The following MON2 variants were observed in gnomAD, a reference collection of about 807,000 sequenced individuals.
The protein encoded by MON2 is protein MON2 homolog.
MON2 carries 84 observed loss-of-function variants against 208.6 expected under a neutral mutation model. The ratio of observed to expected loss-of-function variants is 0.40; its 90% CI spans 0.34 to 0.48. The LOEUF is 0.48. Among genes scored for constraint, MON2 ranks in the 20% least tolerant of loss-of-function variants. The pLI, the probability that MON2 is intolerant of heterozygous loss-of-function variation, is 0.59. For synonymous variants in MON2, 660 were observed against 694.0 expected (o/e 0.95, Z 0.77); for missense variants, 1,611 against 2,015.4 (o/e 0.80, Z 3.84).
At chr12:62,551,976 T>A (rs964566504) in intron 23 of MON2, among the ~76,000 whole-genome samples, 1 of 152,180 alleles carries the variant, frequency 6.6e-6, no homozygotes, top group Non-Finnish European at 1.5e-5. Context: ...AATTTTTTTT[T>A]AAAACAAGAT....
Position 62,532,591 on chromosome 12 carries a change from T to C in MON2, c.1554T>C (p.Thr518=). Residue 518 remains threonine, a synonymous_variant, in exon 12 of 35, where the codon ACT becomes ACC. Transcript: ENST00000393630. ...TTGAAACAGAATGTCAAACCACCAC[T>C]GAAGAAGGTTCTTCACCAACACAGT... ...GELETECQTT[T]EEGSSPTQST... 2 of 1,614,116 alleles carry C rather than the reference T, an allele frequency of 1.2e-6. No homozygotes were observed. Among genetic ancestry groups the C allele is most frequent in the African/African-American group, 1.3e-5 (1 of 75,050 alleles).
intron 8 of MON2, chr12:62,508,797 C>T (rs962108758): frequency 4.2e-6 from 1 of 240,260 alleles, no homozygotes; most frequent in Non-Finnish European, 8.1e-6. Flanking sequence ...ATTATAGTCT[C>T]TTCAGTTTAT....
At chr12:62,563,284 C>T (rs1019638587) in intron 26 of MON2, among the ~76,000 whole-genome samples, 2 of 152,148 alleles carry the variant, frequency 1.3e-5, no homozygotes, top group African/African-American at 2.4e-5. Context: ...ATTTGTAAGG[C>T]ACTTAGTGCC....
intron 13 of MON2, 145 bp from the exon 14 acceptor site, chr12:62,535,380 T>C: frequency 1.6e-6 from 1 of 636,058 alleles, no homozygotes; most frequent in Non-Finnish European, 2.5e-6. Context: ...TAGATTAAAA[T>C]TCCTTCTTAA....
intron 15 of MON2, 100 bp from the exon 16 acceptor site, chr12:62,537,502 T>G: frequency 1.1e-6 from 1 of 908,594 alleles, no homozygotes; most frequent in South Asian, 1.9e-5. Flanking sequence ...CTTAATTTTT[T>G]CTTTAAAAAA....
At position 62,505,962 on chromosome 12, in the gene MON2, T is replaced by C. The variant is rs186196057; in HGVS notation, c.790-2324T>C. Among the ~76,000 whole-genome samples the C allele has an allele frequency of 1.2e-4, 19 of 152,184 alleles. No homozygotes were observed. In the East Asian group the frequency reaches 3.5e-3, roughly 28 times the overall value. ...AAAACTGGAAAGACTGGAAAATGTTTGCTTTGGCCACAGAGATCATGATGA... is the reference window on the plus strand; with the variant it reads ...AAAACTGGAAAGACTGGAAAATGTTCGCTTTGGCCACAGAGATCATGATGA... On this transcript the variant is annotated intron_variant, in intron 7 of 34. Transcript: ENST00000393630.
intron 32 of MON2, among the ~76,000 whole-genome samples, 169 bp from the exon 33 acceptor site, chr12:62,585,113 AACAAAAAAAAAC>A (rs1565714945): frequency 0.021 from 1,337 of 63,010 alleles, 34 homozygotes; most frequent in Non-Finnish European, 0.032. Flanking sequence ...ACACACACAA[AACAAAAAAAAAC>A]AAAAAAAAAA....
At chr12:62,580,722 A>G (rs1418264357) in intron 32 of MON2, among the ~76,000 whole-genome samples, 2 of 152,188 alleles carry the variant, frequency 1.3e-5, no homozygotes, top group African/African-American at 2.4e-5. Context: ...TTAAATTGCA[A>G]AGCACTTTAT....
rs1288148941 is a variant in MON2, at chr12:62,494,445, GA to G, written c.303+409del. On this transcript the variant is annotated intron_variant, in intron 3 of 34. Coordinates refer to ENST00000393630, the MANE Select transcript of MON2 (RefSeq NM_015026.3). ...ATCTAACCTTATGATGGAAAAATGA[GA>G]AAAAATATTTCTTAACCATGAATCT... Among the ~76,000 whole-genome samples the G allele has an allele frequency of 2.6e-5, 4 of 152,082 alleles. No homozygotes were observed. In the East Asian group the frequency reaches 7.7e-4, roughly 29 times the overall value.
At chr12:62,524,685 T>G in intron 9 of MON2, 46 bp downstream of exon 9, 1 of 1,578,058 alleles carries the variant, frequency 6.3e-7, no homozygotes, top group Non-Finnish European at 8.7e-7. Flanking sequence ...TTAATGTTTA[T>G]TAACCTGTAA....
Position 62,493,941 on chromosome 12 carries a change from G to GTACAA in MON2, c.206_207insATACA (p.Pro70TyrfsTer5). On this transcript the variant is annotated frameshift_variant, in exon 3 of 35. Transcript: ENST00000393630. LOFTEE classifies it high-confidence loss of function. ...ACTGAAAGAGAACAGCTCAGAGGTT[G>GTACAA]TACAGCCTTTTTTAATGGGTTGTGG... 1 of 1,609,044 alleles carries GTACAA rather than the reference G, an allele frequency of 6.2e-7. No individual in the cohort carries two copies. The highest frequency in any genetic ancestry group is 2.2e-5 in the East Asian group (1 of 44,772).
intron 2 of MON2, among the ~76,000 whole-genome samples, chr12:62,493,702 G>C (rs889132281): frequency 6.6e-6 from 1 of 152,128 alleles, no homozygotes; most frequent in South Asian, 2.1e-4. Flanking sequence ...AAAAGCATGG[G>C]AAAGCAGTAG....
At position 62,501,630 on chromosome 12, in the gene MON2, A is replaced by G; in HGVS notation, c.721A>G (p.Met241Val). Residue 241 changes from methionine to valine, a missense_variant, in exon 7 of 35, where the codon ATG (methionine) becomes GTG (valine). By Grantham distance (21) the Met-to-Val change is conservative. Coordinates refer to ENST00000393630, the MANE Select transcript of MON2 (RefSeq NM_015026.3). ...TTATTGGCTAGTGGGCATGACAGAA[A>G]TGACTCGGACGTTTGGCCTCGAATT... ...APYWLVGMTEMTRTFGLELLE... is the reference protein window; with the variant it reads ...APYWLVGMTEVTRTFGLELLE... 1 of 1,614,190 alleles carries G rather than the reference A, an allele frequency of 6.2e-7. No homozygotes were observed. Among genetic ancestry groups the G allele is most frequent in the Non-Finnish European group, 8.5e-7 (1 of 1,180,002 alleles).
In MON2 at chr12:62,508,269, T is replaced by G. The variant is rs1461832566; in HGVS notation, c.790-17T>G. 1.7e-5 allele frequency: 27 copies of G among 1,594,502 alleles called. No homozygotes were observed. Among genetic ancestry groups the G allele is most frequent in the Non-Finnish European group, 2.2e-5 (26 of 1,168,344 alleles). On this transcript the variant is annotated splice_polypyrimidine_tract_variant and intron_variant, in intron 7 of 34. Transcript: ENST00000393630. ...TAAAGTTAATTATTTTTTTCTTTCT[T>G]TTTTCCTTGCAAATAGCACCAAGAA... is the stretch of plus-strand genomic sequence containing the variant.
chr12:62,482,414 T>G (rs2069501408), intron 1 of MON2: 1 of 152,232 alleles, frequency 6.6e-6, no homozygotes, highest in Non-Finnish European at 1.5e-5. Context: ...CATAGCATAC[T>G]GGTGTTTTTA....
At position 62,599,733 on chromosome 12, in the gene MON2, C is replaced by T. The variant is rs1460236687; in HGVS notation, c.*6984C>T. ...AAAAGCAGTTCTTTCTACTACAGTA[C>T]AATAGTTTCATGTTTTACAGTCCAT... On this transcript the variant is annotated 3_prime_UTR_variant, in exon 35 of 35. Transcript: ENST00000393630. 6.6e-6 allele frequency: 1 copy of T among 152,048 alleles called. No individual in the cohort carries two copies. Among genetic ancestry groups the T allele is most frequent in the African/African-American group, 2.4e-5 (1 of 41,392 alleles). 9.4% of individuals were successfully genotyped at this position (152,048 alleles called of 1,614,324 possible). A position where few individuals can be genotyped will look rare whatever the true frequency, so the allele number is the denominator to read the frequency against.
intron 22 of MON2, 120 bp from the exon 23 acceptor site, chr12:62,549,548 T>G: frequency 1.3e-6 from 1 of 757,356 alleles, no homozygotes; most frequent in Non-Finnish European, 2.0e-6. Context: ...TCCAGGGAGG[T>G]TGAGAGTGAG....
At chr12:62,481,818 T>C (rs2069460968) in intron 1 of MON2, among the ~76,000 whole-genome samples, 1 of 152,174 alleles carries the variant, frequency 6.6e-6, no homozygotes, top group African/African-American at 2.4e-5. Context: ...CTCTGGCTGA[T>C]TTAAGCTGAA....
chr12:62,571,663 C>T, intron 30 of MON2, 81 bp downstream of exon 30: 2 of 1,157,760 alleles, frequency 1.7e-6, no homozygotes, highest in Non-Finnish European at 2.4e-6. Flanking sequence ...TGTCTTTATT[C>T]ATTAACAAAG....
Sources: allele counts gnomAD v4.1 joint callset (sites outside exome capture counted in the v4.1 genomes callset), GRCh38; gene constraint gnomAD v4.1.1; transcripts MANE v1.5; gene names NCBI Gene and HGNC (gene_info 2026-07-23, HGNC 2026-07-21).